GARRE1: variants seen among roughly 807,000 people sequenced by gnomAD.
GARRE1 encodes the protein granule associated Rac and RHOG effector protein 1.
Under a neutral mutation model 103.2 loss-of-function variants are expected in GARRE1, and 49 were observed. The observed-to-expected ratio is 0.47, with a 90% CI of 0.38 to 0.60. The LOEUF is 0.60. GARRE1 is among the 20% of genes least tolerant of loss of function. The pLI is 0.00. For missense variants in GARRE1, 1,199 were observed against 1,370.5 expected (o/e 0.87, Z 1.98); for synonymous variants, 505 against 532.8 (o/e 0.95, Z 0.72).
intron 1 of GARRE1, among the ~76,000 whole-genome samples, chr19:34,256,232 C>T (rs2073671836): frequency 6.6e-6 from 1 of 151,938 alleles, no homozygotes; most frequent in Admixed American, 6.6e-5. Flanking sequence ...AAAATTCCAG[C>T]CTGGCGCGAT....
At chr19:34,338,094 C>T (rs2074169164) in intron 8 of GARRE1, among the ~76,000 whole-genome samples, 1 of 152,186 alleles carries the variant, frequency 6.6e-6, no homozygotes, top group Non-Finnish European at 1.5e-5. Flanking sequence ...TATTTCTTCC[C>T]AAGTCAAAGT....
chr19:34,283,814 G>GTTTC (rs200393326), intron 1 of GARRE1, among the ~76,000 whole-genome samples: 6 of 148,084 alleles, frequency 4.1e-5, no homozygotes, highest in Non-Finnish European at 7.4e-5. Context: ...TCTTCATCTA[G>GTTTC]TTTCTTTCTT....
At chr19:34,284,228 G>A (rs183473402) in intron 1 of GARRE1, among the ~76,000 whole-genome samples, 237 of 137,212 alleles carry the variant, frequency 1.7e-3, no homozygotes, top group Non-Finnish European at 2.9e-3. Flanking sequence ...CCTCCCAAGC[G>A]ATTCTCCTGC....
intron 2 of GARRE1, among the ~76,000 whole-genome samples, chr19:34,318,085 C>T (rs2074068195): frequency 6.6e-6 from 1 of 152,096 alleles, no homozygotes; most frequent in Non-Finnish European, 1.5e-5. Context: ...GATTTGTGTG[C>T]GGTTTTTTGT....
Position 34,310,804 on chromosome 19 carries a change from G to A in GARRE1, c.496-9103G>A, listed in dbSNP as rs372338128. 7.9e-5 allele frequency among the ~76,000 whole-genome samples: 12 copies of A among 152,170 alleles called. No individual in the cohort carries two copies. The East Asian group carries it at 2.1e-3, about 27-fold the overall frequency. Reference sequence around the variant, plus strand: ...AAAACTTTCAACTGCTCCTCTCCCCGCACCCAGCTCACTGTGCCAGGGCCA... The same window carrying A: ...AAAACTTTCAACTGCTCCTCTCCCCACACCCAGCTCACTGTGCCAGGGCCA... On this transcript the variant is annotated intron_variant, in intron 2 of 13. Transcript: ENST00000299505.
At chr19:34,311,105 G>A (rs894325620) in intron 2 of GARRE1, among the ~76,000 whole-genome samples, 4 of 152,014 alleles carry the variant, frequency 2.6e-5, no homozygotes, top group African/African-American at 7.3e-5. Context: ...CAATCCTCCT[G>A]TCTCAGCTTC....
At chr19:34,313,171 A>G (rs898849643) in intron 2 of GARRE1, among the ~76,000 whole-genome samples, 2 of 152,216 alleles carry the variant, frequency 1.3e-5, no homozygotes, top group Non-Finnish European at 2.9e-5. Context: ...GTTGAGGTCC[A>G]GAACTTGGAG....
intron 9 of GARRE1, among the ~76,000 whole-genome samples, chr19:34,340,760 T>C (rs751009705): frequency 6.6e-6 from 1 of 152,158 alleles, no homozygotes; most frequent in Non-Finnish European, 1.5e-5. Context: ...TGACCTCAAG[T>C]GCCTGCCTCG....
chr19:34,305,812 T>C (rs970248915), intron 2 of GARRE1, among the ~76,000 whole-genome samples: 1 of 152,230 alleles, frequency 6.6e-6, no homozygotes, highest in Non-Finnish European at 1.5e-5. Flanking sequence ...GCTTTCCACA[T>C]TGAAATGCTG....
chr19:34,304,568 G>A (rs925861918), intron 2 of GARRE1, among the ~76,000 whole-genome samples: 3 of 150,900 alleles, frequency 2.0e-5, no homozygotes, highest in Non-Finnish European at 3.0e-5. Context: ...TAGTAGAGAC[G>A]GGTTTCACCA....
intron 1 of GARRE1, among the ~76,000 whole-genome samples, chr19:34,286,761 A>G (rs949499836): frequency 8.5e-5 from 13 of 152,188 alleles, no homozygotes; most frequent in South Asian, 8.3e-4. Context: ...TCGGCCTCCC[A>G]AAGTGCTGGG....
chr19:34,338,633 A>G (rs1374869287), intron 8 of GARRE1, among the ~76,000 whole-genome samples: 2 of 152,196 alleles, frequency 1.3e-5, no homozygotes, highest in Admixed American at 1.3e-4. Flanking sequence ...ATCTCAGGAA[A>G]GAGAAATTCG....
intron 7 of GARRE1, among the ~76,000 whole-genome samples, chr19:34,332,142 G>A (rs1161175768): frequency 1.3e-5 from 2 of 152,092 alleles, no homozygotes; most frequent in African/African-American, 2.4e-5. Context: ...TGTTTCAAGC[G>A]GGTTAGGGCT....
At position 34,302,009 on chromosome 19, in the gene GARRE1, T is replaced by TTA. The variant is rs2073982017; in HGVS notation, c.495+1041_495+1042insTA. ...TTTTTTTTTTTTTTTTTTTTTTTTT[T>TTA]AAGTCAGTTTCGCTCTTGTTGCCCA... On this transcript the variant is annotated intron_variant, in intron 2 of 13. Coordinates refer to ENST00000299505, the MANE Select transcript of GARRE1 (RefSeq NM_014686.5). Among the ~76,000 whole-genome samples, 3 of 108,878 alleles carry TTA rather than the reference T, an allele frequency of 2.8e-5. 1 individual carries two copies. Among genetic ancestry groups the TTA allele is most frequent in the African/African-American group, 4.5e-5 (1 of 22,242 alleles). 71.4% of individuals were successfully genotyped at this position (108,878 alleles called of 152,430 possible).
intron 8 of GARRE1, among the ~76,000 whole-genome samples, chr19:34,334,926 C>T (rs1288456596): frequency 2.6e-5 from 4 of 151,744 alleles, no homozygotes; most frequent in African/African-American, 9.7e-5. Flanking sequence ...TGGTGGCATG[C>T]ACCTATAATC....
chr19:34,301,091 T>G, intron 2 of GARRE1, 123 bp downstream of exon 2: 1 of 1,050,698 alleles, frequency 9.5e-7, no homozygotes, highest in East Asian at 2.5e-5. Flanking sequence ...CTGTTGGTAC[T>G]CTGTCTTTGT....
At chr19:34,267,805 G>A (rs1181999840) in intron 1 of GARRE1, among the ~76,000 whole-genome samples, 2 of 147,254 alleles carry the variant, frequency 1.4e-5, no homozygotes, top group Admixed American at 6.8e-5. Context: ...ATGGAGTCTC[G>A]CTCTGTTGCC....
rs1226357264 is a variant in GARRE1, at chr19:34,354,723, AACAC to A, written c.*1775_*1778del. The A allele has an allele frequency of 2.6e-5, 4 of 152,404 alleles. No homozygotes were observed. In the East Asian group the frequency reaches 5.8e-4, roughly 22 times the overall value. The allele number at this position is 152,404 out of a possible 1,614,324, so 9.4% of individuals were successfully genotyped here. On this transcript the variant is annotated 3_prime_UTR_variant, in exon 14 of 14. Coordinates refer to ENST00000299505, the MANE Select transcript of GARRE1 (RefSeq NM_014686.5). ...ATATATGTATGTATGTATGTATGTA[AACAC>A]ACACACTAATTTGAGAGGACCCGTA...
chr19:34,331,215 A>G (rs1474588054), intron 7 of GARRE1, among the ~76,000 whole-genome samples: 1 of 152,076 alleles, frequency 6.6e-6, no homozygotes, highest in East Asian at 1.9e-4. Flanking sequence ...AAAAAAAGAA[A>G]AAAACATTAC....
Sources: allele counts gnomAD v4.1 joint callset (sites outside exome capture counted in the v4.1 genomes callset), GRCh38; gene constraint gnomAD v4.1.1; transcripts MANE v1.5; gene names NCBI Gene and HGNC (gene_info 2026-07-23, HGNC 2026-07-21).